RFX1: variants seen among roughly 807,000 people sequenced by gnomAD.
The protein encoded by RFX1 is MHC class II regulatory factor RFX1.
In RFX1, 42 loss-of-function variants were observed where a neutral mutation model predicts 119.6. The ratio of observed to expected loss-of-function variants is 0.35; its 90% CI spans 0.27 to 0.45. The LOEUF (loss-of-function observed/expected upper bound fraction) is 0.45. Among genes scored for constraint, RFX1 ranks in the 20% least tolerant of loss-of-function variants. The pLI is 1.00. For synonymous variants in RFX1, 628 were observed against 618.5 expected (o/e 1.02, Z -0.23); for missense variants, 1,118 against 1,368.1 (o/e 0.82, Z 2.88).
chr19:13,999,175 G>A (rs922645196), intron 1 of RFX1, among the ~76,000 whole-genome samples: 7 of 152,162 alleles, frequency 4.6e-5, no homozygotes, highest in African/African-American at 1.4e-4. Flanking sequence ...TACATAGCAT[G>A]AGGTATTGCC....
chr19:13,966,054 G>T lies in RFX1; in HGVS notation c.1962-277C>A, dbSNP rs1219073034. On this transcript the variant is annotated intron_variant, in intron 14 of 20. Transcript: ENST00000254325. The surrounding 1 kb of genome is among the most constrained non-coding windows in gnomAD (Gnocchi z 6.3). ...TGTGGCCCTGCCCCCAGCGTCAGAA[G>T]GGCACAGGTACCCCCGTCCCCAGGT... Among the ~76,000 whole-genome samples the T allele has an allele frequency of 1.3e-5, 2 of 151,938 alleles. No homozygotes were observed.
chr19:13,997,325 G>A (rs1047297948), intron 1 of RFX1, among the ~76,000 whole-genome samples: 3 of 152,224 alleles, frequency 2.0e-5, no homozygotes, highest in African/African-American at 7.2e-5. Context: ...GATGCACCAC[G>A]ATTTGAATTT....
intron 16 of RFX1, 123 bp from the exon 17 acceptor site, chr19:13,964,130 C>T (rs1468352999): frequency 9.1e-7 from 1 of 1,097,906 alleles, no homozygotes; most frequent in Non-Finnish European, 1.3e-6. Context: ...GGATGTGCCT[C>T]GCTACTTTTG....
Position 13,962,213 on chromosome 19 carries a change from T to TC in RFX1, c.*481dup, listed in dbSNP as rs1344826276. On this transcript the variant is annotated 3_prime_UTR_variant, in exon 21 of 21. Transcript: ENST00000254325. ...CAGTGGGGTTGCTGGGGGTAGGGTG[T>TC]CCCGGGGCTGCTGCTGACAGTGGGG... is the stretch of plus-strand genomic sequence containing the variant. 3 of 159,642 alleles carry TC rather than the reference T, an allele frequency of 1.9e-5. No homozygotes were observed. The highest frequency in any genetic ancestry group is 7.2e-5 in the African/African-American group (3 of 41,590). 9.9% of individuals were successfully genotyped at this position (159,642 alleles called of 1,614,324 possible).
intron 12 of RFX1, among the ~76,000 whole-genome samples, chr19:13,967,685 T>C (rs1973949008): frequency 7.0e-6 from 1 of 143,056 alleles, no homozygotes; most frequent in African/African-American, 2.6e-5. Flanking sequence ...CCATGTTGAC[T>C]AGGCTGGTCT....
chr19:13,982,916 G>A (rs1451171026), intron 4 of RFX1: 25 of 489,254 alleles, frequency 5.1e-5, no homozygotes, highest in South Asian at 3.3e-4. Flanking sequence ...TCTCTGCTTC[G>A]GGACACTGGG....
At chr19:13,964,296 GC>G (rs1973821549) in intron 16 of RFX1, among the ~76,000 whole-genome samples, 1 of 151,758 alleles carries the variant, frequency 6.6e-6, no homozygotes, top group Non-Finnish European at 1.5e-5. Flanking sequence ...TCGCCATGTT[GC>G]CCAGACTGGT....
chr19:13,965,771 G>A lies in RFX1; in HGVS notation c.1968C>T (p.Asp656=), dbSNP rs767906671. Residue 656 remains aspartate, a synonymous_variant, in exon 15 of 21, where the codon GAC becomes GAT. Coordinates refer to ENST00000254325, the MANE Select transcript of RFX1 (RefSeq NM_002918.5). This position sits in a 1 kb window ranked among gnomAD's most constrained non-coding sequence, Gnocchi z 4.7. ...CTTTGGGCAGTCGCTTCTCGGCCTC[G>A]TCATGTCTGCGGGCACCCACCCCAC... is the stretch of plus-strand genomic sequence containing the variant. ...PSEAPPLAVH[D]EAEKRLPKAI... The A allele has an allele frequency of 4.1e-5, 66 of 1,613,408 alleles. No individual in the cohort carries two copies. Among genetic ancestry groups the A allele is most frequent in the Middle Eastern group, 1.7e-4 (1 of 6,050 alleles).
rs2145552378 is a variant in RFX1, at chr19:13,969,888, CG to C, written c.1496+105del. 8.4e-7 allele frequency: 1 copy of C among 1,185,422 alleles called. No individual in the cohort carries two copies. The highest frequency in any genetic ancestry group is 1.5e-5 in the African/African-American group (1 of 64,856). 73.4% of individuals were successfully genotyped at this position (1,185,422 alleles called of 1,614,324 possible). A position where few individuals can be genotyped will look rare whatever the true frequency, so the allele number is the denominator to read the frequency against. ...TGTCGAGGAGCCTCGCAGAGGCCGG[CG>C]GGACTGGGCTGGACTGGACTGCCTG... On this transcript the variant is annotated intron_variant, in intron 10 of 20. Coordinates refer to ENST00000254325, the MANE Select transcript of RFX1 (RefSeq NM_002918.5). The surrounding 1 kb of genome is among the most constrained non-coding windows in gnomAD (Gnocchi z 4.5).
chr19:13,977,356 AT>A (rs1225361618), intron 8 of RFX1, among the ~76,000 whole-genome samples: 2 of 151,994 alleles, frequency 1.3e-5, no homozygotes, highest in African/African-American at 4.8e-5. Context: ...TTCTTAGAGT[AT>A]CTCTGGAAAG....
chr19:13,968,995 G>T lies in RFX1; in HGVS notation c.1497-101C>A. ...CCCGTCTCCTCTCTGTTAGGAGAATGGATAGAGAGACGCCTGCCCTGCAGA... is the reference window on the plus strand; with the variant it reads ...CCCGTCTCCTCTCTGTTAGGAGAATTGATAGAGAGACGCCTGCCCTGCAGA... On this transcript the variant is annotated intron_variant, in intron 10 of 20. Coordinates refer to ENST00000254325, the MANE Select transcript of RFX1 (RefSeq NM_002918.5). This position sits in a 1 kb window ranked among gnomAD's most constrained non-coding sequence, Gnocchi z 5.5. 2 of 1,339,582 alleles carry T rather than the reference G, an allele frequency of 1.5e-6. No homozygotes were observed. The highest frequency in any genetic ancestry group is 2.0e-6 in the Non-Finnish European group (2 of 988,006). 83.0% of individuals were successfully genotyped at this position (1,339,582 alleles called of 1,614,324 possible).
In RFX1 at chr19:13,966,605, C is replaced by T; in HGVS notation, c.1851+28G>A. ...CCATGCCCGTGGCTGCGTCCCCGTC[C>T]ACTTGCCTGCCCACCTGGCCACCCT... On this transcript the variant is annotated intron_variant, in intron 13 of 20. Transcript: ENST00000254325. This position sits in a 1 kb window ranked among gnomAD's most constrained non-coding sequence, Gnocchi z 6.3. 1.9e-6 allele frequency: 3 copies of T among 1,558,044 alleles called. No homozygotes were observed. The highest frequency in any genetic ancestry group is 2.6e-6 in the Non-Finnish European group (3 of 1,144,046).
rs767075642 is a variant in RFX1 at position 13,966,558 on chromosome 19, G to A, written c.1852-28C>T. ...GTGGCAGAGGCGGATGCTCAGGGAG[G>A]CTGGGGGGCAGCATGGCCCTCCCAT... On this transcript the variant is annotated intron_variant, in intron 13 of 20. Transcript: ENST00000254325. This position sits in a 1 kb window ranked among gnomAD's most constrained non-coding sequence, Gnocchi z 6.3. The A allele has an allele frequency of 6.5e-7, 1 of 1,537,862 alleles. No homozygotes were observed. The highest frequency in any genetic ancestry group is 2.3e-5 in the East Asian group (1 of 43,232).
chr19:13,986,296 G>A lies in RFX1; in HGVS notation c.320-2701C>T, dbSNP rs1405731723. Among the ~76,000 whole-genome samples, 1 of 152,168 alleles carries A rather than the reference G, an allele frequency of 6.6e-6. No homozygotes were observed. The highest frequency in any genetic ancestry group is 1.5e-5 in the Non-Finnish European group (1 of 68,006). On this transcript the variant is annotated intron_variant, in intron 2 of 20. Coordinates refer to ENST00000254325, the MANE Select transcript of RFX1 (RefSeq NM_002918.5). This position sits in a 1 kb window ranked among gnomAD's most constrained non-coding sequence, Gnocchi z 4.2. ...TGAGCAGGACCTACAGCAGGAGGAG[G>A]CCTGGGGACCTGCTGAGACCAGGTG...
In RFX1 at chr19:13,961,877, G is replaced by C. The variant is rs1338419293; in HGVS notation, c.*818C>G. ...TCCGCTCGGGCGGCGCTCACGAATC[G>C]CACAATAGTCATGGGGTGGGGGTCG... On this transcript the variant is annotated 3_prime_UTR_variant, in exon 21 of 21. Transcript: ENST00000254325. The C allele has an allele frequency of 6.6e-6, 1 of 152,336 alleles. No individual in the cohort carries two copies. 9.4% of individuals were successfully genotyped at this position (152,336 alleles called of 1,614,324 possible).
At chr19:13,991,698 G>A (rs982228305) in intron 2 of RFX1, among the ~76,000 whole-genome samples, 1 of 152,006 alleles carries the variant, frequency 6.6e-6, no homozygotes, top group African/African-American at 2.4e-5. Flanking sequence ...TTCTCGCTCC[G>A]TTACCCAGGC....
At position 13,962,711 on chromosome 19, in the gene RFX1, G is replaced by A; in HGVS notation, c.2924C>T (p.Ala975Val). 6.5e-7 allele frequency: 1 copy of A among 1,528,178 alleles called. No individual in the cohort carries two copies. Among genetic ancestry groups the A allele is most frequent in the Non-Finnish European group, 8.7e-7 (1 of 1,143,566 alleles). 94.7% of individuals were successfully genotyped at this position (1,528,178 alleles called of 1,614,324 possible). Residue 975 changes from alanine (A) to valine (V), a missense_variant, in exon 21 of 21, where the codon GCG becomes GTG. By Grantham distance (64) the Ala-to-Val change is moderately conservative (BLOSUM62 0). This residue lies in a region of RFX1 where 138 missense variants were observed against 117.8 expected (regional missense o/e 1.17). Transcript: ENST00000254325. Reference sequence around the variant, plus strand: ...GCCAAGGGCTTAGCTGGAGGGCAGCGCCTGCACGAAGAGGCCGCGCGCGTC... The same window carrying A: ...GCCAAGGGCTTAGCTGGAGGGCAGCACCTGCACGAAGAGGCCGCGCGCGTC... ...RTDARGLFVQ[A>V]LPSS
intron 1 of RFX1, among the ~76,000 whole-genome samples, chr19:14,004,942 C>T (rs572222034): frequency 6.6e-6 from 1 of 152,292 alleles, no homozygotes; most frequent in African/African-American, 2.4e-5. Flanking sequence ...TCCCTCTGAC[C>T]GCTCCTGCCC....
intron 1 of RFX1, among the ~76,000 whole-genome samples, chr19:13,994,759 A>G (rs917180292): frequency 4.6e-4 from 44 of 95,382 alleles, no homozygotes; most frequent in Non-Finnish European, 5.9e-4. Flanking sequence ...GTGTGTGTGT[A>G]TTTTTTTACT....
Sources: allele counts gnomAD v4.1 joint callset (sites outside exome capture counted in the v4.1 genomes callset), GRCh38; gene constraint gnomAD v4.1.1; regional missense constraint gnomAD v4.1.1; non-coding constraint Gnocchi (gnomAD v3.1); transcripts MANE v1.5; gene names NCBI Gene and HGNC (gene_info 2026-07-23, HGNC 2026-07-21).